INTS9: variants seen among roughly 807,000 people sequenced by gnomAD.
INTS9 encodes protein related to CPSF subunits of 74 kDa.
Under a neutral mutation model 79.7 loss-of-function variants are expected in INTS9, and 55 were observed. That is an observed-to-expected ratio of 0.69 (90% CI 0.56 to 0.86). The LOEUF is 0.86. Among genes scored for constraint, INTS9 ranks in the 40% least tolerant of loss-of-function variants. The pLI is 0.00. For missense variants in INTS9, 721 were observed against 831.5 expected (o/e 0.87, Z 1.64); for synonymous variants, 319 against 325.2 (o/e 0.98, Z 0.20).
At chr8:28,825,113 C>G (rs2131122164) in intron 6 of INTS9, among the ~76,000 whole-genome samples, 1 of 152,338 alleles carries the variant, frequency 6.6e-6, no homozygotes, top group Non-Finnish European at 1.5e-5. Flanking sequence ...TTCTACCTAG[C>G]TTTGACTCCT....
chr8:28,792,557 A>AC (rs973490641), intron 10 of INTS9, among the ~76,000 whole-genome samples: 35 of 152,014 alleles, frequency 2.3e-4, no homozygotes, highest in Middle Eastern at 6.8e-3. Flanking sequence ...AAAAACAAAA[A>AC]AAAAAATTTG....
At chr8:28,854,241 T>C (rs533077060) in intron 2 of INTS9, among the ~76,000 whole-genome samples, 2 of 152,328 alleles carry the variant, frequency 1.3e-5, no homozygotes, top group Admixed American at 6.5e-5. Flanking sequence ...AGTCCATTCA[T>C]TCATTTATTC....
intron 4 of INTS9, among the ~76,000 whole-genome samples, chr8:28,843,909 A>C (rs996796335): frequency 6.6e-6 from 1 of 152,088 alleles, no homozygotes; most frequent in Non-Finnish European, 1.5e-5. Context: ...AAGCACCACT[A>C]GTGGCACTTC....
intron 6 of INTS9, among the ~76,000 whole-genome samples, chr8:28,828,158 T>G (rs757542659): frequency 2.0e-5 from 3 of 152,240 alleles, no homozygotes. Flanking sequence ...ATTTAATTCT[T>G]ATTTTACAGA....
intron 8 of INTS9, 57 bp downstream of exon 8, chr8:28,812,270 C>G (rs1805194281): frequency 1.3e-6 from 2 of 1,548,436 alleles, no homozygotes; most frequent in Non-Finnish European, 1.8e-6. Context: ...TGGATACATT[C>G]TGAATTTGAC....
At chr8:28,806,561 G>A (rs1804827238) in intron 8 of INTS9, among the ~76,000 whole-genome samples, 1 of 152,128 alleles carries the variant, frequency 6.6e-6, no homozygotes, top group Non-Finnish European at 1.5e-5. Context: ...TTACCCAACA[G>A]TGAATACACA....
chr8:28,797,164 C>G (rs1585371006), intron 8 of INTS9, among the ~76,000 whole-genome samples: 1 of 152,166 alleles, frequency 6.6e-6, no homozygotes, highest in African/African-American at 2.4e-5. Flanking sequence ...CACATCTTCC[C>G]AGGAGATGCT....
chr8:28,835,193 C>T, intron 6 of INTS9, 99 bp downstream of exon 6: 1 of 747,032 alleles, frequency 1.3e-6, no homozygotes, highest in Non-Finnish European at 2.2e-6. Context: ...TTAATATAAC[C>T]AAATCATTGT....
chr8:28,775,225 C>T (rs2130864321), intron 14 of INTS9, among the ~76,000 whole-genome samples: 1 of 152,318 alleles, frequency 6.6e-6, no homozygotes, highest in South Asian at 2.1e-4. Flanking sequence ...AGGGCTCACG[C>T]TGCTGAATGC....
intron 6 of INTS9, among the ~76,000 whole-genome samples, chr8:28,815,299 T>C (rs1805404828): frequency 6.6e-6 from 1 of 152,040 alleles, no homozygotes; most frequent in Non-Finnish European, 1.5e-5. Flanking sequence ...TCAAATAAGC[T>C]AAAAAGATTT....
At chr8:28,865,426 CA>C (rs1808685434) in intron 1 of INTS9, among the ~76,000 whole-genome samples, 1 of 150,076 alleles carries the variant, frequency 6.7e-6, no homozygotes, top group Non-Finnish European at 1.5e-5. Flanking sequence ...GTGCTGTGAT[CA>C]TGCCACTGCA....
At chr8:28,780,660 C>CA in intron 12 of INTS9, 163 bp downstream of exon 12, 2 of 985,446 alleles carry the variant, frequency 2.0e-6, no homozygotes, top group Non-Finnish European at 2.4e-6. Flanking sequence ...CACACTGCTT[C>CA]ACTCTTTCTC....
chr8:28,837,526 G>T, intron 5 of INTS9, 111 bp downstream of exon 5: 1 of 1,177,378 alleles, frequency 8.5e-7, no homozygotes, highest in East Asian at 2.7e-5. Flanking sequence ...CTTTGGGTTA[G>T]TTGTTCAGAA....
intron 16 of INTS9, 54 bp from the exon 17 acceptor site, chr8:28,768,376 T>G: frequency 6.5e-7 from 1 of 1,533,922 alleles, no homozygotes; most frequent in Non-Finnish European, 9.0e-7. Flanking sequence ...ATCTGTGAGA[T>G]CTGTAAATGA....
intron 6 of INTS9, among the ~76,000 whole-genome samples, chr8:28,815,523 A>G (rs1242324104): frequency 1.3e-5 from 2 of 152,204 alleles, no homozygotes; most frequent in East Asian, 3.8e-4. Flanking sequence ...CGCTTAAAGG[A>G]AATGCTCACT....
chr8:28,865,582 T>G (rs1488013862), intron 1 of INTS9, among the ~76,000 whole-genome samples: 1 of 152,116 alleles, frequency 6.6e-6, no homozygotes, highest in Non-Finnish European at 1.5e-5. Flanking sequence ...ACTGTGACAC[T>G]TATGTACAAG....
intron 14 of INTS9, among the ~76,000 whole-genome samples, chr8:28,773,333 G>A (rs1192191403): frequency 3.3e-5 from 5 of 151,172 alleles, no homozygotes; most frequent in Admixed American, 6.6e-5. Context: ...GCATGGTGGC[G>A]GGTGCCTGTG....
chr8:28,886,678 T>A (rs555176543), intron 1 of INTS9, among the ~76,000 whole-genome samples: 1 of 152,318 alleles, frequency 6.6e-6, no homozygotes, highest in South Asian at 2.1e-4. Context: ...GTGCTAGAGT[T>A]CCTACCCTCA....
chr8:28,882,017 G>A (rs1809864063), intron 1 of INTS9, among the ~76,000 whole-genome samples: 1 of 144,178 alleles, frequency 6.9e-6, no homozygotes, highest in African/African-American at 2.6e-5. Context: ...TAGAAAGGCG[G>A]GAAGGGTGGG....
Sources: allele counts gnomAD v4.1 joint callset (sites outside exome capture counted in the v4.1 genomes callset), GRCh38; gene constraint gnomAD v4.1.1; transcripts MANE v1.5; gene names NCBI Gene and HGNC (gene_info 2026-07-23, HGNC 2026-07-21).